Variants in IL1RAPL1 observed in about 807,000 individuals in gnomAD.
IL1RAPL1 encodes the protein interleukin-1 receptor accessory protein-like 1.
In IL1RAPL1, 3 loss-of-function variants were observed where a neutral mutation model predicts 48.4. The observed-to-expected ratio is 0.06, with a 90% CI of 0.03 to 0.16. The LOEUF (loss-of-function observed/expected upper bound fraction) is 0.16, where lower values mean the gene tolerates loss of function less well. Ranked by LOEUF, IL1RAPL1 falls within the 10% of genes least tolerant of loss-of-function variation. IL1RAPL1 has a pLI of 1.00. For missense variants in IL1RAPL1, 349 were observed against 530.6 expected (o/e 0.66, Z 3.36); for synonymous variants, 185 against 187.7 (o/e 0.99, Z 0.12).
Position 29,955,519 on chromosome X carries a change from C to G in IL1RAPL1, c.1790C>G (p.Ser597Cys). ...GCCATTTCCATGGCCGCGGCCACCT[C>G]CACAGCTCTAGCCACTGCCCATCCA... ...VSAISMAAATSTALATAHPDL... is the reference protein window; with the variant it reads ...VSAISMAAATCTALATAHPDL... Residue 597 changes from serine (S) to cysteine (C), a missense_variant, in exon 11 of 11, where the codon TCC (serine) becomes TGC (cysteine). This residue lies in a region of IL1RAPL1 where 46 missense variants were observed against 113.3 expected (regional missense o/e 0.41). Coordinates refer to ENST00000378993, the MANE Select transcript of IL1RAPL1 (RefSeq NM_014271.4). The G allele has an allele frequency of 8.3e-7, 1 of 1,210,563 alleles. No homozygotes were observed. The highest frequency in any genetic ancestry group is 1.1e-6 in the Non-Finnish European group (1 of 894,948).
At chrX:29,307,213 T>C (rs1932639048) in intron 3 of IL1RAPL1, among the ~76,000 whole-genome samples, 3 of 112,365 alleles carry the variant, frequency 2.7e-5, no homozygotes, top group African/African-American at 9.7e-5. Context: ...ACTGAATTAA[T>C]GATGCCGCAT....
intron 1 of IL1RAPL1, among the ~76,000 whole-genome samples, chrX:28,677,133 G>C (rs1015997284): frequency 8.9e-6 from 1 of 111,764 alleles, no homozygotes; most frequent in Non-Finnish European, 1.9e-5. Flanking sequence ...AGACAGATAT[G>C]TTATTAAAAT....
At chrX:28,623,995 A>C (rs2146889777) in intron 1 of IL1RAPL1, among the ~76,000 whole-genome samples, 1 of 111,912 alleles carries the variant, frequency 8.9e-6, no homozygotes, top group African/African-American at 3.2e-5. Flanking sequence ...TTTCCCTTCA[A>C]CTGTGGGAAG....
At chrX:28,724,399 A>G (rs1935635649) in intron 1 of IL1RAPL1, among the ~76,000 whole-genome samples, 1 of 110,991 alleles carries the variant, frequency 9.0e-6, no homozygotes, top group South Asian at 3.9e-4. Flanking sequence ...CTGTTTTATC[A>G]GAGACTAGGA....
At chrX:29,469,162 G>A (rs1470204781) in intron 5 of IL1RAPL1, among the ~76,000 whole-genome samples, 1 of 112,237 alleles carries the variant, frequency 8.9e-6, no homozygotes, top group Non-Finnish European at 1.9e-5. Flanking sequence ...AATGTCCTTG[G>A]TAGGTGGATC....
At chrX:29,191,258 C>G (rs927075194) in intron 2 of IL1RAPL1, among the ~76,000 whole-genome samples, 3 of 111,648 alleles carry the variant, frequency 2.7e-5, no homozygotes, top group African/African-American at 9.8e-5. Flanking sequence ...AATAAATAAG[C>G]ACTACGTATA....
intron 6 of IL1RAPL1, among the ~76,000 whole-genome samples, chrX:29,724,896 T>C (rs1021685925): frequency 8.9e-6 from 1 of 111,935 alleles, no homozygotes; most frequent in Non-Finnish European, 1.9e-5. Flanking sequence ...TCCAATTGTT[T>C]TAAAGTATAA....
At chrX:29,357,837 C>T (rs1047402147) in intron 3 of IL1RAPL1, among the ~76,000 whole-genome samples, 1 of 111,982 alleles carries the variant, frequency 8.9e-6, no homozygotes, top group African/African-American at 3.2e-5. Flanking sequence ...AATGAAAACT[C>T]CCAAACCCGG....
intron 1 of IL1RAPL1, among the ~76,000 whole-genome samples, chrX:28,786,654 T>C (rs924499123): frequency 6.3e-5 from 7 of 111,941 alleles, no homozygotes; most frequent in Non-Finnish European, 1.1e-4. Context: ...TATATAGACT[T>C]TCTGCTCTTA....
chrX:29,265,785 C>T (rs1931946668), intron 2 of IL1RAPL1, among the ~76,000 whole-genome samples: 1 of 108,816 alleles, frequency 9.2e-6, no homozygotes, highest in South Asian at 4.1e-4. Context: ...TCCATGTCCC[C>T]ACAAAGGACA....
chrX:28,744,413 G>A (rs1935947706), intron 1 of IL1RAPL1, among the ~76,000 whole-genome samples: 1 of 111,464 alleles, frequency 9.0e-6, no homozygotes, highest in African/African-American at 3.3e-5. Flanking sequence ...TAGGTAATTT[G>A]CCCGAGGTCA....
chrX:28,635,922 T>C (rs768530208), intron 1 of IL1RAPL1, among the ~76,000 whole-genome samples: 1 of 112,391 alleles, frequency 8.9e-6, no homozygotes, highest in South Asian at 3.7e-4. Context: ...AGTGTTTTCT[T>C]GTCTTCCTCC....
chrX:28,635,342 A>C lies in IL1RAPL1; in HGVS notation c.-25+47295A>C, dbSNP rs192022937. Among the ~76,000 whole-genome samples, 6 of 111,850 alleles carry C rather than the reference A, an allele frequency of 5.4e-5. No homozygotes were observed. The East Asian group carries it at 1.7e-3, about 32-fold the overall frequency. On this transcript the variant is annotated intron_variant, in intron 1 of 10. Coordinates refer to ENST00000378993, the MANE Select transcript of IL1RAPL1 (RefSeq NM_014271.4). Reference sequence around the variant, plus strand: ...ATCTCAGATTTTGTTATAGACATCAATGACTTACGATGATTTGATCTTTGA... The same window carrying C: ...ATCTCAGATTTTGTTATAGACATCACTGACTTACGATGATTTGATCTTTGA...
At chrX:29,797,416 T>C (rs1021377410) in intron 6 of IL1RAPL1, among the ~76,000 whole-genome samples, 6 of 112,166 alleles carry the variant, frequency 5.3e-5, no homozygotes, top group Non-Finnish European at 1.1e-4. Context: ...AATTCAACTC[T>C]GAATGTAAAG....
At chrX:28,867,120 C>T (rs1408828466) in intron 2 of IL1RAPL1, among the ~76,000 whole-genome samples, 1 of 111,090 alleles carries the variant, frequency 9.0e-6, no homozygotes, top group Non-Finnish European at 1.9e-5. Context: ...GCAAAATCTG[C>T]CAGTGCCAAG....
intron 2 of IL1RAPL1, among the ~76,000 whole-genome samples, chrX:29,151,347 G>A (rs887456552): frequency 4.5e-5 from 5 of 111,840 alleles, no homozygotes; most frequent in African/African-American, 1.6e-4. Flanking sequence ...TTTTAATCCT[G>A]CTGCTTCTGT....
intron 2 of IL1RAPL1, among the ~76,000 whole-genome samples, chrX:29,088,767 G>A (rs767585302): frequency 9.3e-6 from 1 of 107,371 alleles, no homozygotes; most frequent in Admixed American, 1.0e-4. Context: ...AAATAACTAC[G>A]AACTAACACA....
rs1207885215 is a variant in IL1RAPL1 at position 28,768,755 on chromosome X, C to CTATATATA, written c.-24-20548_-24-20541dup. ...TCTCTCTCTCTCTCTCTCTCTCTCT[C>CTATATATA]TATATATATATATATATATATATAC... is the stretch of plus-strand genomic sequence containing the variant. On this transcript the variant is annotated intron_variant, in intron 1 of 10. Transcript: ENST00000378993. Among the ~76,000 whole-genome samples, 304 of 34,689 alleles carry CTATATATA rather than the reference C, an allele frequency of 8.8e-3. 2 individuals are homozygous for CTATATATA. Among genetic ancestry groups the CTATATATA allele is most frequent in the East Asian group, 0.029 (21 of 731 alleles). The allele number at this position is 34,689 out of a possible 115,157, so 30.1% of individuals were successfully genotyped here.
chrX:28,792,351 A>G (rs1936547437), intron 2 of IL1RAPL1, among the ~76,000 whole-genome samples: 1 of 111,415 alleles, frequency 9.0e-6, no homozygotes, highest in African/African-American at 3.3e-5. Context: ...ACATATGGTC[A>G]TTCCATAAAA....
Sources: gnomAD v4.1 joint callset for allele counts (sites outside exome capture counted in the v4.1 genomes callset) on GRCh38, gnomAD v4.1.1 for gene constraint, gnomAD v4.1.1 regional missense constraint, MANE v1.5 for transcripts, NCBI Gene and HGNC (gene_info 2026-07-23, HGNC 2026-07-21) for gene names.